The following SBF2 variants were observed in gnomAD, a reference collection of about 807,000 sequenced individuals.
The protein encoded by SBF2 is SET binding factor 2.
In SBF2, 112 loss-of-function variants were observed where a neutral mutation model predicts 225.2. The observed-to-expected ratio is 0.50, with a 90% CI of 0.43 to 0.58. The LOEUF (loss-of-function observed/expected upper bound fraction) is 0.58, where lower values mean the gene tolerates loss of function less well. SBF2 is among the 20% of genes least tolerant of loss of function. SBF2 has a pLI of 0.00. For synonymous variants in SBF2, 763 were observed against 773.3 expected, an observed-to-expected ratio of 0.99 and a Z score of 0.22; for missense variants, 1,996 against 2,206.2, an observed-to-expected ratio of 0.90 and a Z score of 1.91.
chr11:9,903,997 C>T (rs1861933746), intron 16 of SBF2, among the ~76,000 whole-genome samples: 2 of 152,092 alleles, frequency 1.3e-5, no homozygotes, highest in Admixed American at 1.3e-4. Context: ...GCCAATTTAT[C>T]ACTTTTAGAG....
chr11:9,876,703 G>A (rs1266565276), intron 17 of SBF2, among the ~76,000 whole-genome samples: 1 of 152,138 alleles, frequency 6.6e-6, no homozygotes, highest in African/African-American at 2.4e-5. Context: ...TTTCGATATG[G>A]CAGCCTAAGC....
In SBF2 at chr11:9,974,676, A is replaced by T. The variant is rs1170178015; in HGVS notation, c.1396-6131T>A. The stretch of plus-strand genomic sequence containing the variant: ...CGCCCAAAAAAAAAAAAAAAAGAAA[A>T]GAAAGAAACCAGCCGGGTGCAGTAG... On this transcript the variant is annotated intron_variant, in intron 13 of 39. Transcript: ENST00000256190. 2.0e-5 allele frequency among the ~76,000 whole-genome samples: 3 copies of T among 151,676 alleles called. No homozygotes were observed. The East Asian group carries it at 5.8e-4, about 29-fold the overall frequency.
chr11:9,784,276 G>T, intron 38 of SBF2, 75 bp downstream of exon 38: 1 of 1,102,704 alleles, frequency 9.1e-7, no homozygotes, highest in Non-Finnish European at 1.4e-6. Flanking sequence ...CTATCTGTCT[G>T]CTAGAGCCAC....
intron 6 of SBF2, among the ~76,000 whole-genome samples, chr11:10,011,499 G>A (rs1170883548): frequency 1.3e-5 from 2 of 152,170 alleles, no homozygotes; most frequent in African/African-American, 2.4e-5. Flanking sequence ...GATTTCAGGC[G>A]TGAGCCACCA....
At chr11:10,203,745 T>C (rs768741343) in intron 1 of SBF2, among the ~76,000 whole-genome samples, 4 of 152,160 alleles carry the variant, frequency 2.6e-5, no homozygotes, top group South Asian at 2.1e-4. Flanking sequence ...GTAAAAAATA[T>C]ATTGGATATA....
chr11:10,144,282 G>T (rs1418382524), intron 2 of SBF2, among the ~76,000 whole-genome samples: 2 of 152,122 alleles, frequency 1.3e-5, no homozygotes, highest in Non-Finnish European at 2.9e-5. Flanking sequence ...GAGCCCAGGA[G>T]TTTGAGACCA....
chr11:10,208,722 A>T (rs1404690785), intron 1 of SBF2, among the ~76,000 whole-genome samples: 1 of 152,154 alleles, frequency 6.6e-6, no homozygotes, highest in African/African-American at 2.4e-5. Context: ...TCAGCAGAGA[A>T]AACACTGCCA....
At position 9,809,002 on chromosome 11, in the gene SBF2, G is replaced by T. The variant is rs771436343; in HGVS notation, c.4156C>A (p.Leu1386Ile). The stretch of plus-strand genomic sequence containing the variant: ...ACAGCCAGCTGCATTATCCTGTGAA[G>T]CTAAGAGACAGGAAGGAGAACACAA... ...ALGDSEWFPQLHRIMQLAVVV... is the reference protein window; with the variant it reads ...ALGDSEWFPQIHRIMQLAVVV... Residue 1386 changes from leucine to isoleucine, a missense_variant and splice_region_variant, in exon 31 of 40, where the codon CTT (leucine) becomes ATT (isoleucine). By Grantham distance (5) the Leu-to-Ile change is conservative. Coordinates refer to ENST00000256190, the MANE Select transcript of SBF2 (RefSeq NM_030962.4). The T allele has an allele frequency of 6.2e-7, 1 of 1,611,058 alleles. No individual in the cohort carries two copies.
chr11:9,808,476 AG>A (rs1254743657), intron 31 of SBF2: 4 of 492,184 alleles, frequency 8.1e-6, no homozygotes, highest in African/African-American at 7.8e-5. Context: ...CAGAGGCCAG[AG>A]GATCAGTTAA....
intron 1 of SBF2, among the ~76,000 whole-genome samples, chr11:10,269,139 G>C (rs1050168644): frequency 2.4e-4 from 37 of 152,098 alleles, no homozygotes; most frequent in African/African-American, 8.7e-4. Flanking sequence ...TGTTCTTTTG[G>C]CTTTCAGAAA....
chr11:10,066,193 A>G (rs2134780348), intron 2 of SBF2, among the ~76,000 whole-genome samples: 1 of 152,218 alleles, frequency 6.6e-6, no homozygotes, highest in South Asian at 2.1e-4. Flanking sequence ...AAAAAAACGG[A>G]AAAATATAGA....
At chr11:9,801,283 C>T (rs1197230883) in intron 32 of SBF2, among the ~76,000 whole-genome samples, 4 of 151,996 alleles carry the variant, frequency 2.6e-5, no homozygotes, top group Non-Finnish European at 5.9e-5. Context: ...TTTGTTTTTC[C>T]GTTATGGAGT....
intron 13 of SBF2, among the ~76,000 whole-genome samples, chr11:9,972,498 TG>T (rs1946509221): frequency 6.6e-6 from 1 of 152,192 alleles, no homozygotes; most frequent in African/African-American, 2.4e-5. Flanking sequence ...TGTTTGTTTT[TG>T]AGACAGAGTT....
chr11:10,197,360 T>G (rs1394511263), intron 1 of SBF2, among the ~76,000 whole-genome samples: 2 of 152,220 alleles, frequency 1.3e-5, no homozygotes, highest in African/African-American at 4.8e-5. Context: ...GTCACACAAA[T>G]TTTTTGGTTT....
intron 2 of SBF2, among the ~76,000 whole-genome samples, chr11:10,192,775 G>A (rs918207598): frequency 6.6e-6 from 1 of 152,124 alleles, no homozygotes. Context: ...TAAGTATCAT[G>A]TTATACCAAA....
At chr11:10,272,969 C>A (rs780728498) in intron 1 of SBF2, among the ~76,000 whole-genome samples, 1 of 151,352 alleles carries the variant, frequency 6.6e-6, no homozygotes, top group African/African-American at 2.4e-5. Context: ...ACTGTGGAGG[C>A]TGAGGCAGGA....
intron 17 of SBF2, among the ~76,000 whole-genome samples, chr11:9,876,507 G>A (rs1424491786): frequency 6.6e-6 from 1 of 152,120 alleles, no homozygotes; most frequent in Non-Finnish European, 1.5e-5. Flanking sequence ...TAGAGAGCTT[G>A]TTCTTGCTCT....
chr11:10,241,321 TCTGGCCTGGGTAACAGAGCGAGA>T (rs139572331), intron 1 of SBF2, among the ~76,000 whole-genome samples: 3,305 of 152,206 alleles, frequency 0.022, 93 homozygotes, highest in African/African-American at 0.066. Flanking sequence ...ACCACTGCAC[TCTGGCCTGGGTAACAGAGCGAGA>T]CTGTCTCAAA....
chr11:10,199,135 C>T (rs760720078), intron 1 of SBF2, among the ~76,000 whole-genome samples: 1 of 152,172 alleles, frequency 6.6e-6, no homozygotes, highest in South Asian at 2.1e-4. Context: ...CTTCCTTTCA[C>T]TTGACCACTT....
Sources: allele counts gnomAD v4.1 joint callset (sites outside exome capture counted in the v4.1 genomes callset), GRCh38; gene constraint gnomAD v4.1.1; transcripts MANE v1.5; gene names NCBI Gene and HGNC (gene_info 2026-07-23, HGNC 2026-07-21).